The following KAZN variants were observed in gnomAD, a reference collection of about 807,000 sequenced individuals.
The protein encoded by KAZN is kazrin.
In KAZN, 40 loss-of-function variants were observed where a neutral mutation model predicts 87.4. That is an observed-to-expected ratio of 0.46 (90% CI 0.36 to 0.60). The LOEUF (loss-of-function observed/expected upper bound fraction) is 0.60, where lower values mean the gene tolerates loss of function less well. KAZN is among the 20% of genes least tolerant of loss of function. The pLI is 0.00. For missense variants in KAZN, 898 were observed against 1,073.9 expected, an observed-to-expected ratio of 0.84 and a Z score of 2.29; for synonymous variants, 466 against 458.3, an observed-to-expected ratio of 1.02 and a Z score of -0.22.
At chr1:14,408,728 C>T (rs1269614710) in intron 2 of KAZN, among the ~76,000 whole-genome samples, 2 of 152,248 alleles carry the variant, frequency 1.3e-5, no homozygotes, top group Non-Finnish European at 2.9e-5. Flanking sequence ...ATAGCATCAA[C>T]ATATGAATTT....
chr1:14,012,997 C>A lies in KAZN; in HGVS notation c.91+119241C>A, dbSNP rs533447578. On this transcript the variant is annotated intron_variant, in intron 1 of 16. Coordinates refer to the KAZN transcript ENST00000636203. ...GCCTGATAGAGACCAGCATCCCTGC[C>A]CTGAGACACCTCTTAGCGGGTCCTA... 4.4e-4 allele frequency among the ~76,000 whole-genome samples: 67 copies of A among 152,238 alleles called. No individual in the cohort carries two copies. In the South Asian group the frequency reaches 0.013, roughly 30 times the overall value.
intron 2 of KAZN, among the ~76,000 whole-genome samples, chr1:14,475,581 T>G (rs1015934859): frequency 6.6e-6 from 1 of 152,186 alleles, no homozygotes; most frequent in Non-Finnish European, 1.5e-5. Context: ...TTATATCAAA[T>G]GTTTAGATTT....
At chr1:14,431,796 AG>A (rs1198094858) in intron 2 of KAZN, among the ~76,000 whole-genome samples, 1 of 152,272 alleles carries the variant, frequency 6.6e-6, no homozygotes, top group East Asian at 1.9e-4. Flanking sequence ...AGGGGCTCTC[AG>A]GCCTTTGCAA....
intron 1 of KAZN, among the ~76,000 whole-genome samples, chr1:14,803,539 G>A (rs544990024): frequency 1.6e-3 from 239 of 152,334 alleles, no homozygotes; most frequent in African/African-American, 5.6e-3. Context: ...CTCCCACCTG[G>A]AGCGAGTGCT....
rs3085672 is a variant in KAZN, at chr1:14,340,888, C to CTTTTTTTTTTTTTTTT, written c.249+160298_249+160313dup. Among the ~76,000 whole-genome samples the CTTTTTTTTTTTTTTTT allele has an allele frequency of 4.7e-4, 48 of 103,154 alleles. 4 individuals are homozygous for CTTTTTTTTTTTTTTTT. The highest frequency in any genetic ancestry group is 5.7e-4 in the African/African-American group (14 of 24,752). 67.7% of individuals were successfully genotyped at this position (103,154 alleles called of 152,430 possible). ...ATCTCCGTAAGGGTCATGATTTTCC[C>CTTTTTTTTTTTTTTTT]TTTTTTTTTTTTTTTTTGAGATGGA... is the stretch of plus-strand genomic sequence containing the variant. On this transcript the variant is annotated intron_variant, in intron 2 of 16. Transcript: ENST00000636203.
chr1:14,957,688 C>T (rs776153442), intron 1 of KAZN, among the ~76,000 whole-genome samples: 2 of 152,176 alleles, frequency 1.3e-5, no homozygotes, highest in Admixed American at 6.5e-5. Context: ...AGAGGGGAGA[C>T]GAGCTCCCAG....
At chr1:14,798,579 C>T (rs867774780) in intron 1 of KAZN, among the ~76,000 whole-genome samples, 1 of 151,352 alleles carries the variant, frequency 6.6e-6, no homozygotes, top group Admixed American at 6.6e-5. Context: ...GGACTACAGG[C>T]GCCCGCCACC....
chr1:14,053,364 C>T lies in KAZN; in HGVS notation c.92-127071C>T, dbSNP rs533300772. ...GTAGCCCAGCCAACACCTTGATTGC[C>T]GTCCAGTGAGACACTGGAGTGGAGA... On this transcript the variant is annotated intron_variant, in intron 1 of 16. Coordinates refer to the KAZN transcript ENST00000636203. 3.3e-5 allele frequency among the ~76,000 whole-genome samples: 5 copies of T among 152,294 alleles called. No individual in the cohort carries two copies. The East Asian group carries it at 5.8e-4, about 18-fold the overall frequency.
chr1:15,090,634 C>A (rs1384183930), intron 8 of KAZN, among the ~76,000 whole-genome samples: 2 of 152,258 alleles, frequency 1.3e-5, no homozygotes, highest in Non-Finnish European at 1.5e-5. Context: ...GACGGGTGAC[C>A]TGCACAGAGC....
chr1:14,526,684 C>T (rs1322611671), intron 2 of KAZN, among the ~76,000 whole-genome samples: 1 of 148,760 alleles, frequency 6.7e-6, no homozygotes, highest in Non-Finnish European at 1.5e-5. Context: ...AAACACATCC[C>T]TTGCACCGTC....
At chr1:14,898,524 G>C in intron 1 of KAZN, among the ~76,000 whole-genome samples, 1 of 152,170 alleles carries the variant, frequency 6.6e-6, no homozygotes, top group South Asian at 2.1e-4. Context: ...AGGAAGTCAG[G>C]GCAGGACAAG....
intron 1 of KAZN, among the ~76,000 whole-genome samples, chr1:14,142,341 G>T (rs1645258546): frequency 6.6e-6 from 1 of 152,138 alleles, no homozygotes; most frequent in Admixed American, 6.5e-5. Context: ...GTCTAAAAAT[G>T]TCTTAGCTTT....
At chr1:14,947,553 C>T (rs1557650185) in intron 1 of KAZN, among the ~76,000 whole-genome samples, 2 of 152,202 alleles carry the variant, frequency 1.3e-5, no homozygotes, top group Admixed American at 6.5e-5. Flanking sequence ...ATTTAGTTTG[C>T]GAAGCAGGCA....
At chr1:14,312,881 G>C (rs13375920) in intron 2 of KAZN, among the ~76,000 whole-genome samples, 1 of 151,690 alleles carries the variant, frequency 6.6e-6, no homozygotes, top group Non-Finnish European at 1.5e-5. Context: ...CCTTCCCCAG[G>C]TGAGCCTTGA....
At chr1:14,183,111 G>A (rs1366009739) in intron 2 of KAZN, among the ~76,000 whole-genome samples, 1 of 152,278 alleles carries the variant, frequency 6.6e-6, no homozygotes, top group Admixed American at 6.5e-5. Flanking sequence ...CTGCTTGAGA[G>A]TGACTGCTTA....
At chr1:14,871,665 T>TGTGTGTGTGC (rs1652152336) in intron 1 of KAZN, among the ~76,000 whole-genome samples, 4 of 151,698 alleles carry the variant, frequency 2.6e-5, no homozygotes, top group African/African-American at 9.7e-5. Context: ...TGTGTGTGTG[T>TGTGTGTGTGC]GTGTGTGTGT....
chr1:14,972,089 C>T (rs1026317406), intron 2 of KAZN, among the ~76,000 whole-genome samples: 2 of 152,168 alleles, frequency 1.3e-5, no homozygotes, highest in African/African-American at 2.4e-5. Context: ...GAGATGGATT[C>T]TGCAGAATGA....
intron 2 of KAZN, among the ~76,000 whole-genome samples, chr1:14,415,633 C>CAG (rs1450110904): frequency 5.3e-5 from 8 of 152,166 alleles, no homozygotes; most frequent in African/African-American, 1.9e-4. Flanking sequence ...GTGAATACCC[C>CAG]AGCTCCCTCG....
intron 2 of KAZN, among the ~76,000 whole-genome samples, chr1:14,502,823 C>CCA (rs1320547534): frequency 6.6e-6 from 1 of 152,164 alleles, no homozygotes; most frequent in Non-Finnish European, 1.5e-5. Context: ...CAAGCATCAT[C>CCA]TCATTCCATC....
Sources: allele counts gnomAD v4.1 joint callset (sites outside exome capture counted in the v4.1 genomes callset), GRCh38; gene constraint gnomAD v4.1.1; transcripts MANE v1.5; gene names NCBI Gene and HGNC (gene_info 2026-07-23, HGNC 2026-07-21).